Variants in DPP6 observed in about 807,000 individuals in gnomAD.
The protein encoded by DPP6 is A-type potassium channel modulatory protein DPP6.
In DPP6, 69 loss-of-function variants were observed where a neutral mutation model predicts 122.6. That is an observed-to-expected ratio of 0.56 (90% CI 0.46 to 0.69). The LOEUF (loss-of-function observed/expected upper bound fraction) is 0.69, where lower values mean the gene tolerates loss of function less well. Ranked by LOEUF, DPP6 falls within the 30% of genes least tolerant of loss-of-function variation. The probability of loss-of-function intolerance (pLI) is 0.00; values close to 1 mark genes in which losing one functional copy is unlikely to be tolerated. For missense variants in DPP6, 928 were observed against 1,116.9 expected (o/e 0.83, Z 2.41); for synonymous variants, 418 against 433.1 (o/e 0.97, Z 0.43).
chr7:154,203,130 A>G (rs940479221), intron 1 of DPP6, among the ~76,000 whole-genome samples: 1 of 152,216 alleles, frequency 6.6e-6, no homozygotes, highest in Non-Finnish European at 1.5e-5. Flanking sequence ...AAATCATAAC[A>G]ATACATTTTG....
chr7:153,850,156 C>T, the DPP6 span, among the ~76,000 whole-genome samples: 1 of 152,132 alleles, frequency 6.6e-6, no homozygotes, highest in African/African-American at 2.4e-5. Context: ...GGAGTCCAGA[C>T]ACAGCTTAGG....
chr7:154,429,247 A>G (rs1003595049), intron 1 of DPP6, among the ~76,000 whole-genome samples: 10 of 151,882 alleles, frequency 6.6e-5, no homozygotes, highest in African/African-American at 2.4e-4. Context: ...TGGGAAATCC[A>G]TCCAGCTGGT....
chr7:154,184,156 C>T (rs2150752341), intron 1 of DPP6, among the ~76,000 whole-genome samples: 1 of 151,820 alleles, frequency 6.6e-6, no homozygotes, highest in South Asian at 2.1e-4. Flanking sequence ...CAGTGAGGAC[C>T]CTCAGCATCA....
intron 1 of DPP6, among the ~76,000 whole-genome samples, chr7:153,993,123 T>C (rs1158974783): frequency 2.0e-5 from 3 of 152,232 alleles, no homozygotes; most frequent in African/African-American, 7.2e-5. Context: ...AGCAGTCTCC[T>C]ACATAACCAC....
intron 1 of DPP6, among the ~76,000 whole-genome samples, chr7:154,070,559 A>G (rs1009428815): frequency 1.3e-5 from 2 of 152,158 alleles, no homozygotes; most frequent in Admixed American, 1.3e-4. Flanking sequence ...ATCAGCTTCT[A>G]TATTTGCTTC....
intron 6 of DPP6, among the ~76,000 whole-genome samples, chr7:154,638,764 C>T (rs1835884723): frequency 1.3e-5 from 2 of 152,258 alleles, no homozygotes; most frequent in South Asian, 2.1e-4. Context: ...GAAAGTCTGT[C>T]GAGGAGAATT....
intron 1 of DPP6, among the ~76,000 whole-genome samples, chr7:154,253,397 T>G (rs1181416703): frequency 1.3e-5 from 2 of 152,190 alleles, no homozygotes; most frequent in African/African-American, 4.8e-5. Context: ...GGAAAGCCTG[T>G]CAAGAAAGCC....
At chr7:153,754,759 T>A in the DPP6 span, among the ~76,000 whole-genome samples, 1 of 152,200 alleles carries the variant, frequency 6.6e-6, no homozygotes, top group East Asian at 1.9e-4. Context: ...ATTTCTGTGG[T>A]TCCATCTTCA....
At chr7:154,061,462 G>T (rs1364825478) in intron 1 of DPP6, among the ~76,000 whole-genome samples, 3 of 146,944 alleles carry the variant, frequency 2.0e-5, no homozygotes, top group East Asian at 1.9e-4. Flanking sequence ...GCTAAAGGAT[G>T]GCCCCCCTAT....
chr7:154,331,673 C>T (rs1331444106), intron 1 of DPP6, among the ~76,000 whole-genome samples: 4 of 152,230 alleles, frequency 2.6e-5, no homozygotes, highest in East Asian at 1.9e-4. Context: ...CACATGGGAG[C>T]GTGCTGTGCT....
intron 5 of DPP6, among the ~76,000 whole-genome samples, chr7:154,574,874 TTGTG>T (rs1196127245): frequency 4.0e-5 from 5 of 125,750 alleles, no homozygotes; most frequent in African/African-American, 9.1e-5. Flanking sequence ...TGTTTGTGTG[TTGTG>T]TGTGTGTGGT....
chr7:154,621,568 T>C (rs1834669054), intron 5 of DPP6, among the ~76,000 whole-genome samples: 1 of 152,136 alleles, frequency 6.6e-6, no homozygotes, highest in African/African-American at 2.4e-5. Flanking sequence ...GGTTTCGCCA[T>C]GTTGGCCAGG....
intron 5 of DPP6, among the ~76,000 whole-genome samples, chr7:154,621,317 G>A (rs1281576713): frequency 2.6e-5 from 4 of 152,094 alleles, no homozygotes; most frequent in Non-Finnish European, 4.4e-5. Flanking sequence ...TTAGTTGACC[G>A]AGAGTCCTTT....
rs868113790 is a variant in DPP6, at chr7:153,980,495, C to T, written c.51+92761C>T. ...TATTTTGTTAATCTTTTAAAAAAAA[C>T]CAGCTCCTGGATTCATTGATTTTTG... On this transcript the variant is annotated intron_variant, in intron 1 of 25. Coordinates refer to the DPP6 transcript ENST00000404039. 3.3e-5 allele frequency among the ~76,000 whole-genome samples: 5 copies of T among 152,084 alleles called. No individual in the cohort carries two copies. In the South Asian group the frequency reaches 1.0e-3, roughly 32 times the overall value.
intron 3 of DPP6, among the ~76,000 whole-genome samples, chr7:154,508,107 T>C (rs1312706182): frequency 6.6e-6 from 1 of 152,212 alleles, no homozygotes; most frequent in African/African-American, 2.4e-5. Flanking sequence ...TATTTCCCTC[T>C]GTTCCTTCCC....
intron 1 of DPP6, among the ~76,000 whole-genome samples, chr7:154,126,248 G>T (rs1340068736): frequency 6.6e-6 from 1 of 152,100 alleles, no homozygotes; most frequent in Non-Finnish European, 1.5e-5. Context: ...TGGTTGGTTG[G>T]TTGGTTAAAT....
chr7:154,341,973 T>C (rs181428061), intron 1 of DPP6, among the ~76,000 whole-genome samples: 9 of 152,326 alleles, frequency 5.9e-5, no homozygotes, highest in Admixed American at 5.9e-4. Flanking sequence ...CTAGAAACTA[T>C]GGACTTGTGT....
chr7:154,371,464 A>G (rs953354291), intron 1 of DPP6, among the ~76,000 whole-genome samples: 2 of 151,410 alleles, frequency 1.3e-5, no homozygotes, highest in Non-Finnish European at 2.9e-5. Context: ...AAAAAATATC[A>G]CCTCCTCCTA....
At chr7:153,999,014 G>A (rs1345956027) in intron 1 of DPP6, among the ~76,000 whole-genome samples, 1 of 152,222 alleles carries the variant, frequency 6.6e-6, no homozygotes, top group Non-Finnish European at 1.5e-5. Flanking sequence ...TAACGTGGCT[G>A]GCCGATGACT....
Sources: allele counts gnomAD v4.1 joint callset (sites outside exome capture counted in the v4.1 genomes callset), GRCh38; gene constraint gnomAD v4.1.1; transcripts MANE v1.5; gene names NCBI Gene and HGNC (gene_info 2026-07-23, HGNC 2026-07-21).